Variants in CSMD1 observed in about 807,000 individuals in gnomAD.
The protein encoded by CSMD1 is CUB and Sushi multiple domains 1, also known as CUB and sushi domain-containing protein 1.
CSMD1 carries 213 observed loss-of-function variants against 417.5 expected under a neutral mutation model. The observed-to-expected ratio is 0.51, with a 90% CI of 0.46 to 0.57. The LOEUF (loss-of-function observed/expected upper bound fraction) is 0.57. CSMD1 is among the 20% of genes least tolerant of loss of function. The probability of loss-of-function intolerance (pLI) is 0.00; values close to 1 mark genes in which losing one functional copy is unlikely to be tolerated. For synonymous variants in CSMD1, 2,862 were observed against 1,736.8 expected, an observed-to-expected ratio of 1.65 and a Z score of -16.11; for missense variants, 6,923 against 4,529.7, an observed-to-expected ratio of 1.53 and a Z score of -15.17.
At chr8:4,579,060 T>G (rs1443368570) in intron 2 of CSMD1, among the ~76,000 whole-genome samples, 1 of 151,916 alleles carries the variant, frequency 6.6e-6, no homozygotes, top group Admixed American at 6.6e-5. Context: ...AAGATATCTT[T>G]CTGCAATAAA....
At chr8:4,838,587 T>C (rs1445183502) in intron 1 of CSMD1, among the ~76,000 whole-genome samples, 1 of 152,246 alleles carries the variant, frequency 6.6e-6, no homozygotes, top group Non-Finnish European at 1.5e-5. Context: ...GATATATTCA[T>C]AAACAATCAG....
At chr8:3,876,058 C>T (rs759385454) in intron 5 of CSMD1, among the ~76,000 whole-genome samples, 4 of 152,054 alleles carry the variant, frequency 2.6e-5, no homozygotes, top group African/African-American at 4.8e-5. Flanking sequence ...TTTTAATTAC[C>T]TATTTTGAAA....
chr8:4,454,242 A>G (rs765244103), intron 2 of CSMD1, among the ~76,000 whole-genome samples: 1 of 151,934 alleles, frequency 6.6e-6, no homozygotes, highest in Non-Finnish European at 1.5e-5. Flanking sequence ...CACCCTCCTT[A>G]CAGTGCTTAC....
intron 5 of CSMD1, among the ~76,000 whole-genome samples, chr8:3,994,759 ATGGCAACCC>A (rs1167008892): frequency 6.6e-6 from 1 of 152,226 alleles, no homozygotes; most frequent in Non-Finnish European, 1.5e-5. Flanking sequence ...CACTGCTGCC[ATGGCAACCC>A]TGACTTAAAA....
chr8:4,113,331 T>G (rs948687968), intron 3 of CSMD1, among the ~76,000 whole-genome samples: 6 of 149,730 alleles, frequency 4.0e-5, no homozygotes, highest in African/African-American at 1.5e-4. Flanking sequence ...CTAGGCCTGC[T>G]GCACCCAACA....
chr8:4,227,391 T>C (rs972233216), intron 3 of CSMD1, among the ~76,000 whole-genome samples: 5 of 152,098 alleles, frequency 3.3e-5, no homozygotes, highest in African/African-American at 1.2e-4. Flanking sequence ...TTCTATCCAC[T>C]TATAAGAACC....
chr8:4,778,776 A>G (rs1024989489), intron 1 of CSMD1, among the ~76,000 whole-genome samples: 1 of 152,224 alleles, frequency 6.6e-6, no homozygotes, highest in Non-Finnish European at 1.5e-5. Context: ...TGTTTAGGAG[A>G]ACATAACATA....
At chr8:4,571,100 G>C (rs529596283) in intron 2 of CSMD1, among the ~76,000 whole-genome samples, 2 of 152,016 alleles carry the variant, frequency 1.3e-5, no homozygotes, top group Non-Finnish European at 2.9e-5. Flanking sequence ...TCAGCTCCTG[G>C]ATTCACTGAG....
chr8:3,787,269 G>A (rs377301417), intron 5 of CSMD1, among the ~76,000 whole-genome samples: 5 of 152,140 alleles, frequency 3.3e-5, no homozygotes, highest in Non-Finnish European at 7.4e-5. Flanking sequence ...TGTGAGTTGT[G>A]AAAAACCATA....
intron 1 of CSMD1, among the ~76,000 whole-genome samples, chr8:4,658,778 A>G (rs904706890): frequency 1.3e-5 from 2 of 152,186 alleles, no homozygotes; most frequent in Admixed American, 6.5e-5. Flanking sequence ...AGACAAATAC[A>G]TAAAACAATC....
chr8:3,677,613 G>C (rs758051594), intron 7 of CSMD1, among the ~76,000 whole-genome samples: 1 of 152,122 alleles, frequency 6.6e-6, no homozygotes, highest in Non-Finnish European at 1.5e-5. Context: ...TCTGAGTTTA[G>C]AACCTCTCTT....
chr8:4,037,149 G>A (rs963650457), intron 3 of CSMD1, among the ~76,000 whole-genome samples: 3 of 152,158 alleles, frequency 2.0e-5, no homozygotes, highest in Non-Finnish European at 4.4e-5. Flanking sequence ...TGAATGTAGA[G>A]CTCACATGTG....
chr8:4,922,257 T>C (rs546766600), intron 1 of CSMD1, among the ~76,000 whole-genome samples: 6 of 152,288 alleles, frequency 3.9e-5, no homozygotes, highest in South Asian at 2.1e-4. Flanking sequence ...AGATGATACG[T>C]ACACTGAATG....
rs73498508 is a variant in CSMD1 at position 4,221,012 on chromosome 8, G to C, written c.416-188913C>G. Among the ~76,000 whole-genome samples the C allele has an allele frequency of 4.0e-3, 607 of 152,264 alleles. 5 individuals carry two copies. The highest frequency in any genetic ancestry group is 0.014 in the African/African-American group (576 of 41,546). On this transcript the variant is annotated intron_variant, in intron 3 of 69. Transcript: ENST00000635120. ...CTCTCCTCTGCCATGCCATGTGCCC[G>C]CAGGAGGAGGCCAGTGATTGTCCAG...
intron 6 of CSMD1, among the ~76,000 whole-genome samples, chr8:3,711,343 C>A (rs1011389692): frequency 1.3e-5 from 2 of 152,158 alleles, no homozygotes; most frequent in South Asian, 2.1e-4. Context: ...CCACCCAGAT[C>A]CCCCTCCAAG....
At chr8:4,433,143 G>A (rs967887726) in intron 2 of CSMD1, among the ~76,000 whole-genome samples, 2 of 152,150 alleles carry the variant, frequency 1.3e-5, no homozygotes, top group African/African-American at 4.8e-5. Context: ...AGAAAAACAA[G>A]CTCAGAGCTC....
At chr8:3,294,069 G>A (rs374918838) in intron 25 of CSMD1, among the ~76,000 whole-genome samples, 1 of 152,314 alleles carries the variant, frequency 6.6e-6, no homozygotes, top group East Asian at 1.9e-4. Context: ...CTGCACATCT[G>A]TTGGAGTTTG....
intron 2 of CSMD1, among the ~76,000 whole-genome samples, chr8:4,496,677 C>G (rs1801995203): frequency 6.6e-6 from 1 of 152,120 alleles, no homozygotes; most frequent in Non-Finnish European, 1.5e-5. Flanking sequence ...TATCCTGCCA[C>G]TCTGACAAAG....
chr8:4,693,018 C>A (rs753632634), intron 1 of CSMD1, among the ~76,000 whole-genome samples: 2 of 152,168 alleles, frequency 1.3e-5, no homozygotes, highest in Non-Finnish European at 2.9e-5. Flanking sequence ...AAAACGTCAA[C>A]TCCTGTCCAG....
Sources: allele counts gnomAD v4.1 joint callset (sites outside exome capture counted in the v4.1 genomes callset), GRCh38; gene constraint gnomAD v4.1.1; transcripts MANE v1.5; gene names NCBI Gene and HGNC (gene_info 2026-07-23, HGNC 2026-07-21).